IDE: variants seen among roughly 807,000 people sequenced by gnomAD.
IDE encodes the protein insulin-degrading enzyme.
In IDE, 58 loss-of-function variants were observed where a neutral mutation model predicts 133.2. The observed-to-expected ratio is 0.44, with a 90% CI of 0.35 to 0.54. The LOEUF (loss-of-function observed/expected upper bound fraction) is 0.54. Ranked by LOEUF, IDE falls within the 20% of genes least tolerant of loss-of-function variation. The pLI is 0.00. For synonymous variants in IDE, 396 were observed against 421.3 expected (o/e 0.94, Z 0.73); for missense variants, 981 against 1,234.0 (o/e 0.79, Z 3.07).
chr10:92,522,240 A>G (rs1029516558), intron 4 of IDE, among the ~76,000 whole-genome samples: 1 of 151,944 alleles, frequency 6.6e-6, no homozygotes, highest in African/African-American at 2.4e-5. Context: ...CTCTTTTTCT[A>G]TTCTATTCCT....
At chr10:92,488,037 C>T (rs1020329360) in intron 12 of IDE, among the ~76,000 whole-genome samples, 1 of 152,052 alleles carries the variant, frequency 6.6e-6, no homozygotes, top group African/African-American at 2.4e-5. Context: ...TCAACTGATC[C>T]ACCCACTTCA....
intron 1 of IDE, among the ~76,000 whole-genome samples, chr10:92,563,608 G>C (rs1201464140): frequency 6.6e-6 from 1 of 151,960 alleles, no homozygotes; most frequent in Non-Finnish European, 1.5e-5. Flanking sequence ...AAAATTAGCT[G>C]GGTGTGGTGG....
chr10:92,479,650 C>T (rs558904186), intron 14 of IDE: 11 of 408,880 alleles, frequency 2.7e-5, no homozygotes, highest in South Asian at 8.6e-5. Flanking sequence ...TGTGTGCGTG[C>T]GCACTGGTAG....
At chr10:92,457,311 T>C (rs1249932667) in intron 22 of IDE, among the ~76,000 whole-genome samples, 1 of 152,220 alleles carries the variant, frequency 6.6e-6, no homozygotes, top group Non-Finnish European at 1.5e-5. Flanking sequence ...TCCTGCGTTA[T>C]ATCAGGCACT....
At chr10:92,531,983 AT>A in intron 3 of IDE, 66 bp from the exon 4 acceptor site, 2 of 1,176,172 alleles carry the variant, frequency 1.7e-6, no homozygotes, top group Admixed American at 3.2e-5. Flanking sequence ...TTTTAGAAAG[AT>A]TTTTGGAACT....
At chr10:92,548,359 CAAAAAAAAAAAAAAAA>C (rs56347361) in intron 1 of IDE, among the ~76,000 whole-genome samples, 5 of 39,702 alleles carry the variant, frequency 1.3e-4, no homozygotes, top group Admixed American at 3.9e-4. Flanking sequence ...AACTCCATCT[CAAAAAAAAAAAAAAAA>C]AAAAAAAAAA....
At chr10:92,534,507 G>C in intron 3 of IDE, 71 bp downstream of exon 3, 3 of 885,620 alleles carry the variant, frequency 3.4e-6, no homozygotes, top group Non-Finnish European at 5.3e-6. Context: ...CATCTCTGTG[G>C]AAATAATAAT....
At chr10:92,566,173 T>A (rs76675267) in intron 1 of IDE, among the ~76,000 whole-genome samples, 8,891 of 143,714 alleles carry the variant, frequency 0.062, 372 homozygotes, top group African/African-American at 0.1. Context: ...CTGGGCAACA[T>A]GACGAAATCC....
At chr10:92,543,947 T>C (rs1315274441) in intron 1 of IDE, among the ~76,000 whole-genome samples, 4 of 152,122 alleles carry the variant, frequency 2.6e-5, no homozygotes, top group African/African-American at 7.2e-5. Flanking sequence ...AAATGTAAGA[T>C]ATAGGCCGGG....
At chr10:92,572,815 C>G in intron 1 of IDE, 5 of 901,844 alleles carry the variant, frequency 5.5e-6, no homozygotes, top group Non-Finnish European at 6.6e-6. Flanking sequence ...AGCCCTCACT[C>G]CAACCTTTCT....
intron 1 of IDE, among the ~76,000 whole-genome samples, chr10:92,543,201 G>A (rs1198804189): frequency 1.3e-5 from 2 of 152,146 alleles, no homozygotes; most frequent in African/African-American, 4.8e-5. Flanking sequence ...GGAAGTCAAG[G>A]CCTATAGCAC....
chr10:92,534,859 T>TA, intron 2 of IDE, 74 bp from the exon 3 acceptor site: 1 of 1,080,586 alleles, frequency 9.3e-7, no homozygotes, highest in Non-Finnish European at 1.4e-6. Flanking sequence ...GATTTGTAGT[T>TA]CTTGTTAGCA....
intron 1 of IDE, among the ~76,000 whole-genome samples, chr10:92,557,762 C>T (rs1289951107): frequency 6.6e-6 from 1 of 150,978 alleles, no homozygotes; most frequent in Admixed American, 6.6e-5. Context: ...TGGTGGCCAA[C>T]ACCTGTAGTC....
intron 11 of IDE, among the ~76,000 whole-genome samples, chr10:92,492,720 A>G (rs1847433837): frequency 6.6e-6 from 1 of 152,156 alleles, no homozygotes; most frequent in Non-Finnish European, 1.5e-5. Flanking sequence ...AAAGCCTAGT[A>G]CTTGCAATCA....
chr10:92,564,114 T>G (rs1407017034), intron 1 of IDE, among the ~76,000 whole-genome samples: 1 of 152,112 alleles, frequency 6.6e-6, no homozygotes, highest in Admixed American at 6.6e-5. Flanking sequence ...AAAAGTTATC[T>G]CCCATGTAGT....
chr10:92,571,323 A>G (rs1843777114), intron 1 of IDE, among the ~76,000 whole-genome samples: 1 of 152,154 alleles, frequency 6.6e-6, no homozygotes, highest in African/African-American at 2.4e-5. Context: ...CCTCAACCCT[A>G]ACTTTCAAGA....
At chr10:92,572,955 A>G (rs1843860958) in intron 1 of IDE, 2 of 985,214 alleles carry the variant, frequency 2.0e-6, no homozygotes, top group South Asian at 4.7e-5. Context: ...AATCCGCTCC[A>G]ATCAAGTCAA....
chr10:92,521,573 G>A (rs1413206079), intron 4 of IDE, among the ~76,000 whole-genome samples: 1 of 151,910 alleles, frequency 6.6e-6, no homozygotes, highest in Non-Finnish European at 1.5e-5. Context: ...GGCTCACTTT[G>A]GGTGACTCAC....
chr10:92,524,987 G>A (rs970351489), intron 4 of IDE, among the ~76,000 whole-genome samples: 2 of 145,108 alleles, frequency 1.4e-5, no homozygotes, highest in Admixed American at 6.9e-5. Context: ...AGGGTCAGGT[G>A]TAATGGCTCA....
Sources: gnomAD v4.1 joint callset for allele counts (sites outside exome capture counted in the v4.1 genomes callset) on GRCh38, gnomAD v4.1.1 for gene constraint, MANE v1.5 for transcripts, NCBI Gene and HGNC (gene_info 2026-07-23, HGNC 2026-07-21) for gene names.